The following MAD1L1 variants were observed in gnomAD, a reference collection of about 807,000 sequenced individuals.
MAD1L1 encodes mitotic spindle assembly checkpoint protein MAD1.
MAD1L1 carries 95 observed loss-of-function variants against 96.9 expected under a neutral mutation model. That is an observed-to-expected ratio of 0.98 (90% CI 0.83 to 1.16). The LOEUF (loss-of-function observed/expected upper bound fraction) is 1.16, where lower values mean the gene tolerates loss of function less well. Among genes scored for constraint, MAD1L1 ranks in the 50% most tolerant of loss-of-function variants. MAD1L1 has a pLI of 0.00. For synonymous variants in MAD1L1, 473 were observed against 396.6 expected, an observed-to-expected ratio of 1.19 and a Z score of -2.29; for missense variants, 1,007 against 954.4, an observed-to-expected ratio of 1.06 and a Z score of -0.73.
At chr7:2,176,054 G>A (rs1437071544) in intron 10 of MAD1L1, among the ~76,000 whole-genome samples, 2 of 152,172 alleles carry the variant, frequency 1.3e-5, no homozygotes, top group Admixed American at 1.3e-4. Flanking sequence ...TTAAATACGA[G>A]TCTAAGGATG....
intron 12 of MAD1L1, among the ~76,000 whole-genome samples, chr7:2,032,311 G>A (rs1783263377): frequency 6.6e-6 from 1 of 152,144 alleles, no homozygotes; most frequent in South Asian, 2.1e-4. Context: ...AGGCTCCAGG[G>A]GAAGGCGCGC....
intron 18 of MAD1L1, among the ~76,000 whole-genome samples, chr7:1,826,359 C>G (rs187256217): frequency 6.6e-6 from 1 of 152,196 alleles, no homozygotes; most frequent in African/African-American, 2.4e-5. Context: ...CTCCTCCAGG[C>G]TGGCCACAGG....
In MAD1L1 at chr7:2,088,741, G is replaced by A. The variant is rs1786056509; in HGVS notation, c.1074-19403C>T. ...CGGGCCATCTCTCAAGTACAACCTA[G>A]ACGCCCTCAACTCCATTTCCTGGGT... On this transcript the variant is annotated intron_variant, in intron 11 of 18. Coordinates refer to ENST00000265854, the MANE Select transcript of MAD1L1 (RefSeq NM_001013836.2). This position sits in a 1 kb window ranked among gnomAD's most constrained non-coding sequence, Gnocchi z 4.4. 6.6e-6 allele frequency: 1 copy of A among 152,436 alleles called. No individual in the cohort carries two copies. The allele number at this position is 152,436 out of a possible 1,614,324, so 9.4% of individuals were successfully genotyped here. A position where few individuals can be genotyped will look rare whatever the true frequency, so the allele number is the denominator to read the frequency against.
At position 2,225,453 on chromosome 7, in the gene MAD1L1, A is replaced by C. The variant is rs1314372347; in HGVS notation, c.248T>G (p.Val83Gly). 1 of 1,613,830 alleles carries C rather than the reference A, an allele frequency of 6.2e-7. No individual in the cohort carries two copies. The highest frequency in any genetic ancestry group is 8.5e-7 in the Non-Finnish European group (1 of 1,179,980). Reference sequence around the variant, plus strand: ...GGTGCTGGCTGCTCTCTCCAGCTCCACTCGAGCCCTCTTGTGACTCAGCTC... The same window carrying C: ...GGTGCTGGCTGCTCTCTCCAGCTCCCCTCGAGCCCTCTTGTGACTCAGCTC... The part of the protein sequence containing the change: ...QMELSHKRAR[V>G]ELERAASTSA... Residue 83 changes from valine (V) to glycine (G), a missense_variant, in exon 4 of 19, where the codon GTG (valine) becomes GGG (glycine). By Grantham distance (109) the Val-to-Gly change is moderately radical (BLOSUM62 -3). Transcript: ENST00000265854.
rs1781825035 is a variant in MAD1L1, at chr7:2,002,117, T to C, written c.1364A>G (p.Gln455Arg). 1 of 1,612,944 alleles carries C rather than the reference T, an allele frequency of 6.2e-7. No individual in the cohort carries two copies. Among genetic ancestry groups the C allele is most frequent in the Non-Finnish European group, 8.5e-7 (1 of 1,179,994 alleles). Residue 455 changes from glutamine (Q) to arginine (R), a missense_variant, in exon 14 of 19, where the codon CAG becomes CGG. Gln to Arg is a conservative substitution (Grantham distance 43, BLOSUM62 1). Transcript: ENST00000265854. The part of the protein sequence containing the change: ...VHSHSAEMEA[Q>R]LSQALEELGG... ...CAGCTCCTCCAGGGCCTGCGACAGCTGAGCCTGCAAGACAAGACAGGATTC... is the reference window on the plus strand; with the variant it reads ...CAGCTCCTCCAGGGCCTGCGACAGCCGAGCCTGCAAGACAAGACAGGATTC...
rs62442998 is a variant in MAD1L1 at position 2,114,579 on chromosome 7, T to C, written c.1073+34573A>G. On this transcript the variant is annotated intron_variant, in intron 11 of 18. Coordinates refer to ENST00000265854, the MANE Select transcript of MAD1L1 (RefSeq NM_001013836.2). This position sits in a 1 kb window ranked among gnomAD's most constrained non-coding sequence, Gnocchi z 4.2. ...AGAAGGATCTTCATGAAGATGAGCA[T>C]GGCTACGACTTGAACGGTGGTTTCT... Among the ~76,000 whole-genome samples the C allele has an allele frequency of 1.5e-4, 23 of 152,372 alleles. No individual in the cohort carries two copies. Among genetic ancestry groups the C allele is most frequent in the African/African-American group, 4.8e-4 (20 of 41,594 alleles).
At chr7:2,168,937 G>T (rs1790573999) in intron 10 of MAD1L1, among the ~76,000 whole-genome samples, 2 of 152,250 alleles carry the variant, frequency 1.3e-5, no homozygotes, top group Admixed American at 1.3e-4. Flanking sequence ...TGAAGCGGGA[G>T]GAACACGCGC....
At chr7:1,937,467 A>C (rs189955832) in intron 16 of MAD1L1, among the ~76,000 whole-genome samples, 12 of 152,242 alleles carry the variant, frequency 7.9e-5, no homozygotes, top group African/African-American at 2.6e-4. Flanking sequence ...GGCATCCTTG[A>C]GGGAGGAGTG....
At chr7:2,219,637 A>T (rs1322350702) in intron 5 of MAD1L1, among the ~76,000 whole-genome samples, 181 bp from the exon 6 acceptor site, 1 of 100,010 alleles carries the variant, frequency 1.0e-5, no homozygotes, top group Non-Finnish European at 2.1e-5. Flanking sequence ...GTAGGGGGGC[A>T]GAGCGGTAGG....
At chr7:2,201,635 T>C (rs1792305424) in intron 10 of MAD1L1, among the ~76,000 whole-genome samples, 1 of 152,162 alleles carries the variant, frequency 6.6e-6, no homozygotes, top group Non-Finnish European at 1.5e-5. Flanking sequence ...TCTACAAAGC[T>C]TGGAGAAAAG....
At chr7:2,205,106 T>G (rs1792530115) in intron 10 of MAD1L1, among the ~76,000 whole-genome samples, 3 of 106,288 alleles carry the variant, frequency 2.8e-5, no homozygotes, top group Non-Finnish European at 6.4e-5. Context: ...TTTTTTTTTT[T>G]TGCTTATTCT....
intron 10 of MAD1L1, among the ~76,000 whole-genome samples, chr7:2,212,645 G>A (rs558996503): frequency 1.7e-4 from 26 of 152,098 alleles, no homozygotes; most frequent in African/African-American, 4.6e-4. Context: ...TTCACCTTCC[G>A]CCATGACTGA....
chr7:2,169,038 G>GT (rs1790579410), intron 10 of MAD1L1, among the ~76,000 whole-genome samples: 1 of 152,204 alleles, frequency 6.6e-6, no homozygotes, highest in African/African-American at 2.4e-5. Context: ...TGTGTACCCG[G>GT]TGCTTGTCCT....
At chr7:1,979,188 C>A (rs3996330) in intron 15 of MAD1L1, among the ~76,000 whole-genome samples, 81,744 of 151,930 alleles carry the variant, frequency 0.54, 22,048 homozygotes, top group South Asian at 0.58. Flanking sequence ...GTCCAGGGGC[C>A]CACACACCAA....
intron 10 of MAD1L1, among the ~76,000 whole-genome samples, chr7:2,194,190 C>T (rs1791873939): frequency 6.6e-6 from 1 of 152,048 alleles, no homozygotes; most frequent in Non-Finnish European, 1.5e-5. Flanking sequence ...CTCCTGAGGT[C>T]AAGCAATCTG....
At chr7:1,911,081 G>A (rs1298861756) in intron 17 of MAD1L1, among the ~76,000 whole-genome samples, 1 of 200 alleles carries the variant, frequency 5.0e-3, no homozygotes, top group Non-Finnish European at 0.01. Flanking sequence ...CGTGCCTCAT[G>A]TCTAAGTGCT....
At chr7:2,014,711 G>A in intron 12 of MAD1L1, 69 bp from the exon 13 acceptor site, 1 of 1,506,120 alleles carries the variant, frequency 6.6e-7, no homozygotes, top group East Asian at 2.4e-5. Flanking sequence ...GACGGCTCAG[G>A]GAAGGCCCCA....
chr7:2,152,529 T>C (rs1266370364), intron 10 of MAD1L1, among the ~76,000 whole-genome samples: 1 of 152,176 alleles, frequency 6.6e-6, no homozygotes, highest in Non-Finnish European at 1.5e-5. Context: ...CACAGTGAGC[T>C]CGATGACAGC....
chr7:2,019,980 T>C (rs569080969), intron 12 of MAD1L1, among the ~76,000 whole-genome samples: 2 of 152,364 alleles, frequency 1.3e-5, no homozygotes, highest in East Asian at 3.9e-4. Context: ...CAGCACAGCA[T>C]GCTAATGCTA....
Sources: gnomAD v4.1 joint callset for allele counts (sites outside exome capture counted in the v4.1 genomes callset) on GRCh38, gnomAD v4.1.1 for gene constraint, Gnocchi (gnomAD v3.1) non-coding constraint, MANE v1.5 for transcripts, NCBI Gene and HGNC (gene_info 2026-07-23, HGNC 2026-07-21) for gene names.